KIF2A: variants seen among roughly 807,000 people sequenced by gnomAD.
KIF2A encodes kinesin-like protein KIF2A.
A neutral mutation model predicts 100.2 loss-of-function variants in KIF2A; 22 were observed. The ratio of observed to expected loss-of-function variants is 0.22; its 90% confidence interval spans 0.16 to 0.31. The LOEUF is 0.31. Ranked by LOEUF, KIF2A falls within the 10% of genes least tolerant of loss-of-function variation. The probability of loss-of-function intolerance (pLI) is 1.00; values close to 1 mark genes in which losing one functional copy is unlikely to be tolerated. For synonymous variants in KIF2A, 268 were observed against 285.9 expected (o/e 0.94, Z 0.63); for missense variants, 495 against 898.7 (o/e 0.55, Z 5.74).
chr5:62,381,127 C>T lies in KIF2A; in HGVS notation c.2023C>T (p.Arg675Trp), dbSNP rs764372768. 4 of 1,609,898 alleles carry T rather than the reference C, an allele frequency of 2.5e-6. No homozygotes were observed. The highest frequency in any genetic ancestry group is 1.1e-5 in the South Asian group (1 of 90,712). Residue 675 changes from arginine (R) to tryptophan (W), a missense_variant, in exon 20 of 21, where the codon CGG (arginine) becomes TGG (tryptophan). Around this residue, in one of 10 missense-constraint regions of KIF2A, gnomAD observed 58 missense variants for 94.8 expected, o/e 0.61. Transcript: ENST00000407818. ...DHRAVFQESI[R>W]WLEDEKALLE... ...ATTTTTGTCCTTGTAGGAATCTATT[C>T]GGTGGTTAGAAGATGAAAAGGCCCT...
At chr5:62,368,416 A>C (rs1741181257) in intron 16 of KIF2A, among the ~76,000 whole-genome samples, 1 of 152,108 alleles carries the variant, frequency 6.6e-6, no homozygotes, top group Non-Finnish European at 1.5e-5. Flanking sequence ...GGTAGTAAAC[A>C]CTGTTGGACA....
At chr5:62,353,619 A>G (rs1747960811) in intron 6 of KIF2A, among the ~76,000 whole-genome samples, 1 of 152,186 alleles carries the variant, frequency 6.6e-6, no homozygotes, top group Non-Finnish European at 1.5e-5. Context: ...TTCCATTAAG[A>G]AAAAGCCATT....
intron 9 of KIF2A, among the ~76,000 whole-genome samples, 187 bp downstream of exon 9, chr5:62,358,486 A>G (rs1201079152): frequency 1.3e-5 from 2 of 152,218 alleles, no homozygotes; most frequent in Non-Finnish European, 2.9e-5. Context: ...AATGCTCCCC[A>G]AAATCATAGT....
intron 16 of KIF2A, among the ~76,000 whole-genome samples, chr5:62,368,136 C>A (rs1409175283): frequency 6.6e-6 from 1 of 152,074 alleles, no homozygotes; most frequent in African/African-American, 2.4e-5. Flanking sequence ...GGAAATAGAG[C>A]ATTATTGGCC....
chr5:62,341,147 C>G (rs1032186448), intron 1 of KIF2A, among the ~76,000 whole-genome samples: 6 of 152,204 alleles, frequency 3.9e-5, no homozygotes, highest in Non-Finnish European at 8.8e-5. Context: ...ACATAATTCT[C>G]AGTCCTGCCC....
At chr5:62,307,179 G>T (rs958206305) in intron 1 of KIF2A, 2 of 152,284 alleles carry the variant, frequency 1.3e-5, no homozygotes, top group Non-Finnish European at 2.9e-5. Context: ...GAATAAGGGT[G>T]GGGGAGCAAT....
At chr5:62,355,103 A>G (rs1257828927) in intron 6 of KIF2A, 56 bp from the exon 7 acceptor site, 2 of 808,124 alleles carry the variant, frequency 2.5e-6, no homozygotes, top group Non-Finnish European at 4.1e-6. Flanking sequence ...CCAAATATAA[A>G]TGTAACAAAT....
chr5:62,382,024 C>A (rs1191882904), intron 20 of KIF2A, among the ~76,000 whole-genome samples: 1 of 152,258 alleles, frequency 6.6e-6, no homozygotes, highest in East Asian at 1.9e-4. Flanking sequence ...GTGTTAATTT[C>A]TTAGGCATTT....
At position 62,360,642 on chromosome 5, in the gene KIF2A, G is replaced by A. The variant is rs538470473; in HGVS notation, c.873-600G>A. 7.9e-4 allele frequency among the ~76,000 whole-genome samples: 120 copies of A among 151,950 alleles called. 2 individuals are homozygous for A. The highest frequency in any genetic ancestry group is 2.7e-3 in the African/African-American group (113 of 41,472). On this transcript the variant is annotated intron_variant, in intron 9 of 20. Coordinates refer to ENST00000407818, the MANE Select transcript of KIF2A (RefSeq NM_001098511.3). ...GGAGGTTGCAGTGAGCTGAGATCGCGCCATTTGCACTCCAGCCTGGGGGAC... is the reference window on the plus strand; with the variant it reads ...GGAGGTTGCAGTGAGCTGAGATCGCACCATTTGCACTCCAGCCTGGGGGAC...
At chr5:62,346,620 A>G (rs1315749180) in intron 1 of KIF2A, among the ~76,000 whole-genome samples, 1 of 152,104 alleles carries the variant, frequency 6.6e-6, no homozygotes, top group African/African-American at 2.4e-5. Flanking sequence ...CATGGCTGTA[A>G]TCTCAGCTAC....
intron 20 of KIF2A, among the ~76,000 whole-genome samples, chr5:62,385,240 A>G (rs927719834): frequency 5.3e-5 from 8 of 152,222 alleles, no homozygotes; most frequent in South Asian, 2.1e-4. Flanking sequence ...TAAATGTGCC[A>G]AACAGAACAG....
chr5:62,381,738 A>AT (rs377306007), intron 20 of KIF2A, among the ~76,000 whole-genome samples: 1 of 151,976 alleles, frequency 6.6e-6, no homozygotes, highest in African/African-American at 2.4e-5. Flanking sequence ...CTAATTTTTA[A>AT]TTTTTTGTAG....
In KIF2A at chr5:62,390,855, G is replaced by C. The variant is rs765691960; in HGVS notation, c.*5286G>C. On this transcript the variant is annotated 3_prime_UTR_variant, in exon 21 of 21. Coordinates refer to ENST00000407818, the MANE Select transcript of KIF2A (RefSeq NM_001098511.3). ...CACAGTAAAGAAATGTAAACACTTA[G>C]GAAAACAAAAATGTAATTACCTGAT... 8 of 1,601,188 alleles carry C rather than the reference G, an allele frequency of 5.0e-6. No individual in the cohort carries two copies. The highest frequency in any genetic ancestry group is 6.8e-6 in the Non-Finnish European group (8 of 1,170,246).
intron 18 of KIF2A, 132 bp from the exon 19 acceptor site, chr5:62,377,529 T>C (rs976516673): frequency 2.3e-6 from 1 of 443,102 alleles, no homozygotes; most frequent in African/African-American, 2.0e-5. Context: ...GCCTTTTATA[T>C]ATATTTTACT....
intron 4 of KIF2A, 75 bp from the exon 5 acceptor site, chr5:62,352,513 A>G (rs939395778): frequency 2.6e-6 from 3 of 1,143,378 alleles, no homozygotes; most frequent in Admixed American, 6.1e-5. Context: ...TTTGGGGGCT[A>G]TCTCTTCCTT....
intron 11 of KIF2A, chr5:62,362,208 G>A (rs1310483374): frequency 6.2e-6 from 1 of 161,112 alleles, no homozygotes; most frequent in Non-Finnish European, 1.3e-5. Context: ...ATAATTTTAT[G>A]CTATTTATAA....
Position 62,375,192 on chromosome 5 carries a change from T to A in KIF2A, c.1911+1355T>A, listed in dbSNP as rs115247541. Among the ~76,000 whole-genome samples the A allele has an allele frequency of 8.7e-3, 1,320 of 152,324 alleles. 12 individuals carry two copies. Among genetic ancestry groups the A allele is most frequent in the South Asian group, 0.03 (147 of 4,828 alleles). The stretch of plus-strand genomic sequence containing the variant: ...GTATATATAATACACTTTCACATAA[T>A]TGCTTTTAATGTATTGAGAGGGTTC... On this transcript the variant is annotated intron_variant, in intron 18 of 20. Transcript: ENST00000407818.
At chr5:62,321,288 G>A (rs1441414534) in intron 1 of KIF2A, among the ~76,000 whole-genome samples, 1 of 152,078 alleles carries the variant, frequency 6.6e-6, no homozygotes, top group Non-Finnish European at 1.5e-5. Context: ...ACCTAGAAGT[G>A]GAATTGCTGG....
At chr5:62,338,672 CA>C (rs980508606) in intron 1 of KIF2A, among the ~76,000 whole-genome samples, 1 of 150,866 alleles carries the variant, frequency 6.6e-6, no homozygotes, top group Non-Finnish European at 1.5e-5. Context: ...CAAAAAACAA[CA>C]AAAAAAATCC....
Sources: allele counts gnomAD v4.1 joint callset (sites outside exome capture counted in the v4.1 genomes callset), GRCh38; gene constraint gnomAD v4.1.1; regional missense constraint gnomAD v4.1.1; transcripts MANE v1.5; gene names NCBI Gene and HGNC (gene_info 2026-07-23, HGNC 2026-07-21).